Variants in INPP4B observed in about 807,000 individuals in gnomAD.
The protein encoded by INPP4B is inositol polyphosphate-4-phosphatase type II B.
Under a neutral mutation model 122.5 loss-of-function variants are expected in INPP4B, and 55 were observed. The observed-to-expected ratio is 0.45, with a 90% CI of 0.36 to 0.56. The LOEUF (loss-of-function observed/expected upper bound fraction) is 0.56, where lower values mean the gene tolerates loss of function less well. Ranked by LOEUF, INPP4B falls within the 20% of genes least tolerant of loss-of-function variation. The pLI is 0.00. For synonymous variants in INPP4B, 403 were observed against 388.7 expected, an observed-to-expected ratio of 1.04 and a Z score of -0.43; for missense variants, 1,000 against 1,097.7, an observed-to-expected ratio of 0.91 and a Z score of 1.26.
At chr4:142,832,094 CG>C (rs1353095086) in intron 1 of INPP4B, among the ~76,000 whole-genome samples, 1 of 152,144 alleles carries the variant, frequency 6.6e-6, no homozygotes, top group Non-Finnish European at 1.5e-5. Context: ...CCAATTTCTA[CG>C]GATGGCTTTA....
At chr4:142,504,743 C>T (rs1823794580) in intron 2 of INPP4B, among the ~76,000 whole-genome samples, 1 of 151,836 alleles carries the variant, frequency 6.6e-6, no homozygotes, top group African/African-American at 2.4e-5. Flanking sequence ...AAGAAAGATA[C>T]AGAAAAATGT....
chr4:142,235,226 G>A (rs1044924246), intron 12 of INPP4B, among the ~76,000 whole-genome samples: 14 of 152,014 alleles, frequency 9.2e-5, no homozygotes, highest in African/African-American at 2.9e-4. Context: ...ACAAGACGGA[G>A]TCTATATCTT....
intron 10 of INPP4B, among the ~76,000 whole-genome samples, chr4:142,266,540 T>G (rs1428650617): frequency 1.3e-5 from 2 of 152,164 alleles, no homozygotes; most frequent in South Asian, 4.1e-4. Context: ...GTTTCCTGGG[T>G]AAGAAAAATC....
intron 9 of INPP4B, among the ~76,000 whole-genome samples, chr4:142,294,855 A>AAAAAAAAAAG (rs1554029824): frequency 6.8e-6 from 1 of 146,434 alleles, no homozygotes; most frequent in African/African-American, 2.5e-5. Context: ...AAAAAAAAAA[A>AAAAAAAAAAG]AGGCAGACTT....
chr4:142,312,194 G>A (rs576839366), intron 8 of INPP4B, among the ~76,000 whole-genome samples: 28 of 152,252 alleles, frequency 1.8e-4, no homozygotes, highest in African/African-American at 6.5e-4. Flanking sequence ...AACCTTCAGT[G>A]TTTGAGGCAA....
At chr4:142,549,192 C>G (rs1014521915) in intron 2 of INPP4B, among the ~76,000 whole-genome samples, 1 of 152,114 alleles carries the variant, frequency 6.6e-6, no homozygotes, top group Non-Finnish European at 1.5e-5. Context: ...TTCATTTGTT[C>G]TTCTGCTGCC....
intron 25 of INPP4B, among the ~76,000 whole-genome samples, chr4:142,039,726 T>A (rs1465601603): frequency 6.6e-6 from 1 of 152,082 alleles, no homozygotes; most frequent in African/African-American, 2.4e-5. Flanking sequence ...TTGGATCAAG[T>A]CTACAGAGAA....
chr4:142,121,225 G>C (rs889084827), intron 21 of INPP4B, among the ~76,000 whole-genome samples: 1 of 148,014 alleles, frequency 6.8e-6, no homozygotes, highest in African/African-American at 2.5e-5. Context: ...CTGAGGATGT[G>C]GGTTTTTTTG....
chr4:142,108,631 A>C (rs1788400053), intron 22 of INPP4B, among the ~76,000 whole-genome samples: 1 of 152,188 alleles, frequency 6.6e-6, no homozygotes, highest in African/African-American at 2.4e-5. Flanking sequence ...ACTGGGCTGC[A>C]CGCAGTCTTG....
intron 2 of INPP4B, among the ~76,000 whole-genome samples, chr4:142,492,918 C>T (rs1185779222): frequency 4.6e-5 from 7 of 152,204 alleles, no homozygotes; most frequent in Non-Finnish European, 8.8e-5. Flanking sequence ...TGTCCCATCA[C>T]AGCCCTGGAG....
intron 2 of INPP4B, among the ~76,000 whole-genome samples, chr4:142,622,058 C>A (rs972171801): frequency 4.6e-5 from 7 of 151,930 alleles, no homozygotes; most frequent in Non-Finnish European, 8.8e-5. Flanking sequence ...TGTGCTTAAA[C>A]AGCTTCATCA....
At chr4:142,364,139 C>T (rs1200665012) in intron 7 of INPP4B, among the ~76,000 whole-genome samples, 1 of 151,976 alleles carries the variant, frequency 6.6e-6, no homozygotes, top group Non-Finnish European at 1.5e-5. Flanking sequence ...ACAAAATCTT[C>T]AATAGGACTT....
At chr4:142,306,589 G>A (rs1907108) in intron 8 of INPP4B, among the ~76,000 whole-genome samples, 116,939 of 152,164 alleles carry the variant, frequency 0.77, 45,350 homozygotes, top group East Asian at 0.92. Flanking sequence ...ATGAAAGGCT[G>A]CATCCACACT....
chr4:142,585,355 T>C (rs1407910844), intron 2 of INPP4B, among the ~76,000 whole-genome samples: 2 of 152,122 alleles, frequency 1.3e-5, no homozygotes, highest in African/African-American at 4.8e-5. Context: ...CTTTATGGAG[T>C]GCTTTTATGA....
chr4:142,031,007 A>G lies in INPP4B; in HGVS notation c.2643-2093T>C, dbSNP rs1392909784. 3.3e-5 allele frequency among the ~76,000 whole-genome samples: 5 copies of G among 152,292 alleles called. No homozygotes were observed. In the Middle Eastern group the frequency reaches 0.017, roughly 518 times the overall value. On this transcript the variant is annotated intron_variant, in intron 25 of 25. Transcript: ENST00000262992. ...CATCTGAAAAGAGACCCATATTTAC[A>G]GAGTGATACCACAGAAAATAAAAGA...
chr4:142,462,558 C>T lies in INPP4B; in HGVS notation c.-127+105G>A, dbSNP rs542735069. On this transcript the variant is annotated intron_variant, in intron 3 of 25. Coordinates refer to ENST00000262992, the MANE Select transcript of INPP4B (RefSeq NM_001101669.3). ...ATGCAGTCACACATATGCTAAAACA[C>T]CTAACTGGCATTATTGTAAAATATT... The T allele has an allele frequency of 4.6e-5, 7 of 152,234 alleles. No homozygotes were observed. In the East Asian group the frequency reaches 1.2e-3, roughly 25 times the overall value. The allele number at this position is 152,234 out of a possible 1,614,324, so 9.4% of individuals were successfully genotyped here. A position where few individuals can be genotyped will look rare whatever the true frequency, so the allele number is the denominator to read the frequency against.
At chr4:142,724,437 G>T (rs1765088158) in intron 2 of INPP4B, among the ~76,000 whole-genome samples, 1 of 151,894 alleles carries the variant, frequency 6.6e-6, no homozygotes, top group South Asian at 2.1e-4. Context: ...CCATTGAGTT[G>T]CCTTCAACAA....
At chr4:142,626,029 C>T (rs1746306133) in intron 2 of INPP4B, among the ~76,000 whole-genome samples, 1 of 152,042 alleles carries the variant, frequency 6.6e-6, no homozygotes, top group African/African-American at 2.4e-5. Context: ...CCATAAAAAC[C>T]CTAGAAGAAA....
At chr4:142,165,431 T>C (rs1343480055) in intron 16 of INPP4B, among the ~76,000 whole-genome samples, 1 of 151,786 alleles carries the variant, frequency 6.6e-6, no homozygotes, top group Non-Finnish European at 1.5e-5. Context: ...ATTTGTTGGT[T>C]CACTTTAACT....
Sources: allele counts gnomAD v4.1 joint callset (sites outside exome capture counted in the v4.1 genomes callset), GRCh38; gene constraint gnomAD v4.1.1; transcripts MANE v1.5; gene names NCBI Gene and HGNC (gene_info 2026-07-23, HGNC 2026-07-21).